The following ASCC3 variants were observed in gnomAD, a reference collection of about 807,000 sequenced individuals.
ASCC3 encodes the protein activating signal cointegrator 1 complex subunit 3.
Under a neutral mutation model 256.3 loss-of-function variants are expected in ASCC3, and 158 were observed. That is an observed-to-expected ratio of 0.62 (90% confidence interval 0.54 to 0.70). The LOEUF is 0.70. Among genes scored for constraint, ASCC3 ranks in the 30% least tolerant of loss-of-function variants. ASCC3 has a pLI of 0.00. For missense variants in ASCC3, 2,259 were observed against 2,626.0 expected (o/e 0.86, Z 3.05); for synonymous variants, 948 against 883.4 (o/e 1.07, Z -1.30).
intron 30 of ASCC3, among the ~76,000 whole-genome samples, chr6:100,607,354 T>C (rs899722385): frequency 3.3e-5 from 5 of 152,100 alleles, no homozygotes; most frequent in African/African-American, 9.7e-5. Flanking sequence ...AAATGATATG[T>C]TCTTTAATGA....
At chr6:100,576,119 A>G (rs746667344) in intron 36 of ASCC3, among the ~76,000 whole-genome samples, 1 of 152,052 alleles carries the variant, frequency 6.6e-6, no homozygotes, top group Non-Finnish European at 1.5e-5. Context: ...GAGGGCATCA[A>G]TGGAGCAAGA....
chr6:100,604,562 T>C (rs1442856307), intron 33 of ASCC3, among the ~76,000 whole-genome samples: 3 of 151,918 alleles, frequency 2.0e-5, no homozygotes, highest in African/African-American at 7.2e-5. Context: ...GCAATCCTCC[T>C]GCTGCCTCAG....
At chr6:100,684,262 T>G (rs1777450092) in intron 13 of ASCC3, among the ~76,000 whole-genome samples, 1 of 151,954 alleles carries the variant, frequency 6.6e-6, no homozygotes, top group African/African-American at 2.4e-5. Context: ...AGATAAAGAG[T>G]TACAATGTAT....
intron 34 of ASCC3, among the ~76,000 whole-genome samples, chr6:100,593,913 A>G (rs982247544): frequency 6.6e-6 from 1 of 152,116 alleles, no homozygotes; most frequent in African/African-American, 2.4e-5. Context: ...ACATGTGTTT[A>G]TATTCATTTG....
intron 4 of ASCC3, among the ~76,000 whole-genome samples, chr6:100,811,949 G>A (rs978744590): frequency 1.1e-4 from 17 of 152,182 alleles, no homozygotes; most frequent in East Asian, 9.7e-4. Flanking sequence ...TGTTGCAAAC[G>A]AGACAGTAAT....
chr6:100,769,405 GAC>G (rs759529779), intron 8 of ASCC3, among the ~76,000 whole-genome samples: 63 of 151,834 alleles, frequency 4.1e-4, no homozygotes, highest in Non-Finnish European at 7.7e-4. Context: ...TACTTAAAGT[GAC>G]AGATATGCTA....
intron 8 of ASCC3, among the ~76,000 whole-genome samples, chr6:100,767,912 G>A (rs578106706): frequency 6.2e-4 from 94 of 151,954 alleles, no homozygotes; most frequent in Middle Eastern, 3.4e-3. Flanking sequence ...CACCGCACCC[G>A]GCCAGAATAC....
chr6:100,514,924 T>C (rs1425283795), intron 39 of ASCC3, among the ~76,000 whole-genome samples: 1 of 152,184 alleles, frequency 6.6e-6, no homozygotes, highest in East Asian at 1.9e-4. Context: ...GATTTGTATG[T>C]TACCTGGGAT....
intron 5 of ASCC3, among the ~76,000 whole-genome samples, chr6:100,801,346 C>T (rs896031409): frequency 8.6e-5 from 13 of 152,014 alleles, no homozygotes; most frequent in Non-Finnish European, 4.4e-5. Context: ...TGCAGCTAGG[C>T]TAGGAGGACA....
intron 8 of ASCC3, among the ~76,000 whole-genome samples, chr6:100,790,972 C>T (rs983766338): frequency 4.0e-5 from 6 of 151,762 alleles, no homozygotes; most frequent in African/African-American, 1.4e-4. Flanking sequence ...GAAGAGAAAA[C>T]ATAGACAGTA....
Position 100,535,466 on chromosome 6 carries a change from G to GTTTTTTTTTTT in ASCC3, c.5775+4686_5775+4696dup, listed in dbSNP as rs34575315. ...TTTAGAATATGAAGCTGGTTTTCGT[G>GTTTTTTTTTTT]TTTTTTTTTTTTTTTTTTTTTGAGA... is the stretch of plus-strand genomic sequence containing the variant. On this transcript the variant is annotated intron_variant, in intron 37 of 41. Transcript: ENST00000369162. 4.1e-5 allele frequency among the ~76,000 whole-genome samples: 4 copies of GTTTTTTTTTTT among 98,624 alleles called. 1 individual carries two copies. The highest frequency in any genetic ancestry group is 7.8e-5 in the Non-Finnish European group (4 of 51,486). 64.7% of individuals were successfully genotyped at this position (98,624 alleles called of 152,430 possible).
chr6:100,772,573 A>C (rs1781995719), intron 8 of ASCC3, among the ~76,000 whole-genome samples: 1 of 152,204 alleles, frequency 6.6e-6, no homozygotes, highest in Non-Finnish European at 1.5e-5. Flanking sequence ...ATTTGGACAA[A>C]AGATATACTC....
chr6:100,745,854 A>G (rs940738072), intron 10 of ASCC3, among the ~76,000 whole-genome samples: 2 of 152,240 alleles, frequency 1.3e-5, no homozygotes, highest in East Asian at 3.9e-4. Context: ...TTGTGTGTCT[A>G]GTCTTTTTCT....
chr6:100,805,973 C>A, intron 4 of ASCC3, 93 bp from the exon 5 acceptor site: 3 of 1,225,092 alleles, frequency 2.4e-6, no homozygotes, highest in Admixed American at 2.0e-5. Context: ...GGTGTAAAGC[C>A]AAACTAATAT....
At chr6:100,771,763 AT>A (rs1297693470) in intron 8 of ASCC3, among the ~76,000 whole-genome samples, 22 of 130,586 alleles carry the variant, frequency 1.7e-4, no homozygotes, top group Non-Finnish European at 2.3e-4. Context: ...TAATAATTTA[AT>A]TTTTTTAATT....
rs57203625 is a variant in ASCC3 at position 100,532,406 on chromosome 6, A to AT, written c.5775+7756dup. Among the ~76,000 whole-genome samples, 304 of 48,484 alleles carry AT rather than the reference A, an allele frequency of 6.3e-3. 5 individuals carry two copies. Among genetic ancestry groups the AT allele is most frequent in the East Asian group, 0.018 (29 of 1,572 alleles). 31.8% of individuals were successfully genotyped at this position (48,484 alleles called of 152,430 possible). On this transcript the variant is annotated intron_variant, in intron 37 of 41. Transcript: ENST00000369162. ...TATATATATATATATATATATATAT[A>AT]TTTTTTTTTTTTTTTTTTTTTAAAT...
chr6:100,715,604 T>G (rs1779053764), intron 12 of ASCC3, 71 bp from the exon 13 acceptor site: 1 of 1,396,850 alleles, frequency 7.2e-7, no homozygotes, highest in African/African-American at 1.4e-5. Flanking sequence ...AATAAAATTT[T>G]GCCAATTACA....
intron 39 of ASCC3, among the ~76,000 whole-genome samples, chr6:100,514,021 A>G (rs1773903143): frequency 6.6e-6 from 1 of 151,732 alleles, no homozygotes; most frequent in Non-Finnish European, 1.5e-5. Flanking sequence ...ATTTCCTTAT[A>G]GGCTTTGATT....
intron 3 of ASCC3, among the ~76,000 whole-genome samples, chr6:100,862,938 A>G (rs1213402062): frequency 1.3e-5 from 2 of 152,322 alleles, no homozygotes; most frequent in Non-Finnish European, 2.9e-5. Context: ...CACAGAGAGC[A>G]GCATGTGTGA....
Sources: allele counts gnomAD v4.1 joint callset (sites outside exome capture counted in the v4.1 genomes callset), GRCh38; gene constraint gnomAD v4.1.1; transcripts MANE v1.5; gene names NCBI Gene and HGNC (gene_info 2026-07-23, HGNC 2026-07-21).